Variants in DACH2 observed in about 807,000 individuals in gnomAD.
DACH2 encodes dachshund homolog 2.
Under a neutral mutation model 35.8 loss-of-function variants are expected in DACH2, and 17 were observed. The ratio of observed to expected loss-of-function variants is 0.48; its 90% CI spans 0.33 to 0.71. DACH2 has a LOEUF of 0.71. Ranked by LOEUF, DACH2 falls within the 30% of genes least tolerant of loss-of-function variation. The pLI is 0.02. For missense variants in DACH2, 469 were observed against 472.7 expected, an observed-to-expected ratio of 0.99 and a Z score of 0.07; for synonymous variants, 195 against 177.3, an observed-to-expected ratio of 1.10 and a Z score of -0.79.
chrX:86,630,933 T>C (rs779929856), intron 3 of DACH2, among the ~76,000 whole-genome samples: 1 of 111,910 alleles, frequency 8.9e-6, no homozygotes, highest in Non-Finnish European at 1.9e-5. Context: ...CAAGTGGAAC[T>C]TTAGCACAGA....
intron 1 of DACH2, among the ~76,000 whole-genome samples, chrX:86,316,504 A>G (rs762318845): frequency 2.7e-5 from 3 of 111,380 alleles, no homozygotes; most frequent in Admixed American, 9.5e-5. Context: ...TTTTTGTTAG[A>G]AGGAAAGTTT....
At chrX:86,534,421 G>A (rs1176608928) in intron 3 of DACH2, among the ~76,000 whole-genome samples, 3 of 111,865 alleles carry the variant, frequency 2.7e-5, no homozygotes, top group Non-Finnish European at 3.8e-5. Context: ...ACACAAATAG[G>A]GAATAAATTA....
intron 3 of DACH2, among the ~76,000 whole-genome samples, chrX:86,594,123 T>C (rs1457609341): frequency 8.9e-6 from 1 of 112,009 alleles, no homozygotes; most frequent in African/African-American, 3.2e-5. Flanking sequence ...GTTATCAAAT[T>C]TGTGGGCCCA....
chrX:86,468,123 A>G (rs1462129454), intron 2 of DACH2, among the ~76,000 whole-genome samples: 3 of 112,010 alleles, frequency 2.7e-5, no homozygotes, highest in Non-Finnish European at 3.8e-5. Context: ...TACTACAGCC[A>G]TCCTACATTC....
intron 2 of DACH2, among the ~76,000 whole-genome samples, chrX:86,488,928 A>C: frequency 9.0e-6 from 1 of 111,172 alleles, no homozygotes; most frequent in East Asian, 2.8e-4. Flanking sequence ...ATCATTACCT[A>C]ACGATACAGA....
At chrX:86,213,172 A>G (rs1238057915) in intron 1 of DACH2, among the ~76,000 whole-genome samples, 3 of 111,543 alleles carry the variant, frequency 2.7e-5, no homozygotes, top group Non-Finnish European at 5.7e-5. Flanking sequence ...TTGACCTAGG[A>G]AGGGAATGAG....
intron 2 of DACH2, among the ~76,000 whole-genome samples, chrX:86,406,237 A>G (rs1381222658): frequency 8.9e-6 from 1 of 112,324 alleles, no homozygotes; most frequent in Non-Finnish European, 1.9e-5. Context: ...TGTCCTTTGT[A>G]GTAACATGGA....
chrX:86,232,202 T>G (rs1173188299), intron 1 of DACH2, among the ~76,000 whole-genome samples: 2 of 110,959 alleles, frequency 1.8e-5, no homozygotes, highest in Non-Finnish European at 3.8e-5. Flanking sequence ...ACAAATCAAC[T>G]GAAGATGGAA....
chrX:86,577,487 A>C (rs1373693823), intron 3 of DACH2, among the ~76,000 whole-genome samples: 1 of 111,760 alleles, frequency 8.9e-6, no homozygotes, highest in African/African-American at 3.2e-5. Flanking sequence ...AAGATATAAA[A>C]ATATTTTTAG....
At chrX:86,387,891 C>A (rs1048961712) in intron 2 of DACH2, among the ~76,000 whole-genome samples, 3 of 112,131 alleles carry the variant, frequency 2.7e-5, no homozygotes, top group African/African-American at 9.7e-5. Flanking sequence ...TAACAAAATG[C>A]AGGCAGAAAC....
chrX:86,403,273 A>G (rs1371773369), intron 2 of DACH2, among the ~76,000 whole-genome samples: 2 of 112,015 alleles, frequency 1.8e-5, no homozygotes, highest in Non-Finnish European at 3.8e-5. Flanking sequence ...GAAAGTATTC[A>G]CAAACTATGC....
rs1422079197 is a variant in DACH2 at position 86,283,204 on chromosome X, G to A, written c.489-93620G>A. On this transcript the variant is annotated intron_variant, in intron 1 of 11. Transcript: ENST00000373125. ...ATACCATCTCATGCCATTTAGAATA[G>A]CAATCATTAAAAAGTTCAGGAAACT... is the stretch of plus-strand genomic sequence containing the variant. Among the ~76,000 whole-genome samples, 5 of 111,662 alleles carry A rather than the reference G, an allele frequency of 4.5e-5. No homozygotes were observed. The Admixed American group carries it at 4.8e-4, about 11-fold the overall frequency.
At chrX:86,458,437 C>T (rs1346418065) in intron 2 of DACH2, among the ~76,000 whole-genome samples, 2 of 111,344 alleles carry the variant, frequency 1.8e-5, no homozygotes, top group African/African-American at 6.5e-5. Context: ...GGATAATGGA[C>T]TTAAGAAATA....
chrX:86,567,546 G>T (rs1418564767), intron 3 of DACH2, among the ~76,000 whole-genome samples: 1 of 111,315 alleles, frequency 9.0e-6, no homozygotes, highest in East Asian at 2.8e-4. Context: ...TACATGTATG[G>T]AATGTGCTTA....
intron 3 of DACH2, among the ~76,000 whole-genome samples, chrX:86,600,503 C>A (rs1291386455): frequency 8.9e-6 from 1 of 111,942 alleles, no homozygotes; most frequent in Non-Finnish European, 1.9e-5. Flanking sequence ...TCATCTATGC[C>A]GTGTGTATTG....
chrX:86,699,264 C>T (rs981092862), intron 5 of DACH2, among the ~76,000 whole-genome samples: 1 of 112,216 alleles, frequency 8.9e-6, no homozygotes, highest in Non-Finnish European at 1.9e-5. Context: ...ACATTCTTCT[C>T]GTCAGCACAT....
chrX:86,359,996 C>T (rs1463933609), intron 1 of DACH2, among the ~76,000 whole-genome samples: 1 of 109,475 alleles, frequency 9.1e-6, no homozygotes, highest in African/African-American at 3.3e-5. Flanking sequence ...TATCCCTCAC[C>T]TCAGCCTCCT....
intron 1 of DACH2, among the ~76,000 whole-genome samples, chrX:86,293,249 C>T (rs1472782686): frequency 1.9e-5 from 1 of 51,666 alleles, no homozygotes; most frequent in South Asian, 1.4e-3. Flanking sequence ...GGATTGCAAC[C>T]CTGCCTTTTT....
chrX:86,646,684 T>G (rs190237713), intron 3 of DACH2, among the ~76,000 whole-genome samples: 1 of 109,841 alleles, frequency 9.1e-6, no homozygotes, highest in Non-Finnish European at 1.9e-5. Flanking sequence ...TGTTTTCAAA[T>G]CATATATATA....
Sources: gnomAD v4.1 joint callset for allele counts (sites outside exome capture counted in the v4.1 genomes callset) on GRCh38, gnomAD v4.1.1 for gene constraint, MANE v1.5 for transcripts, NCBI Gene and HGNC (gene_info 2026-07-23, HGNC 2026-07-21) for gene names.